Variants in GALNT17 observed in about 807,000 individuals in gnomAD.
GALNT17 encodes polypeptide N-acetylgalactosaminyltransferase 17.
Under a neutral mutation model 63.7 loss-of-function variants are expected in GALNT17, and 29 were observed. The ratio of observed to expected loss-of-function variants is 0.46; its 90% CI spans 0.34 to 0.62. The LOEUF (loss-of-function observed/expected upper bound fraction) is 0.62. GALNT17 is among the 20% of genes least tolerant of loss of function. The probability of loss-of-function intolerance (pLI) is 0.01; values close to 1 mark genes in which losing one functional copy is unlikely to be tolerated. For synonymous variants in GALNT17, 305 were observed against 318.3 expected, an observed-to-expected ratio of 0.96 and a Z score of 0.45; for missense variants, 603 against 799.6, an observed-to-expected ratio of 0.75 and a Z score of 2.97.
At chr7:71,639,006 T>C (rs1199714429) in intron 6 of GALNT17, among the ~76,000 whole-genome samples, 1 of 152,096 alleles carries the variant, frequency 6.6e-6, no homozygotes, top group Non-Finnish European at 1.5e-5. Flanking sequence ...AAAGAATGAA[T>C]AAGACCTACT....
chr7:71,638,414 C>G (rs750452101), intron 6 of GALNT17, among the ~76,000 whole-genome samples: 2 of 152,138 alleles, frequency 1.3e-5, no homozygotes, highest in Non-Finnish European at 2.9e-5. Flanking sequence ...TGGAGTTGCT[C>G]TGGTTCAAAT....
intron 1 of GALNT17, among the ~76,000 whole-genome samples, chr7:71,313,493 T>C (rs551908387): frequency 9.2e-5 from 14 of 152,328 alleles, no homozygotes; most frequent in Middle Eastern, 3.4e-3. Context: ...CAACTGTCCG[T>C]AGCAACAAAG....
chr7:71,378,099 T>A (rs1254256910), intron 2 of GALNT17, among the ~76,000 whole-genome samples: 1 of 152,184 alleles, frequency 6.6e-6, no homozygotes, highest in Non-Finnish European at 1.5e-5. Flanking sequence ...TGTGTGAACA[T>A]TGCCCCAATA....
chr7:71,626,585 A>C (rs1416367566), intron 6 of GALNT17, among the ~76,000 whole-genome samples: 2 of 152,164 alleles, frequency 1.3e-5, no homozygotes, highest in Admixed American at 6.5e-5. Context: ...AATGACCACT[A>C]TTTGGAGATG....
chr7:71,613,909 G>T (rs149666017), intron 6 of GALNT17, among the ~76,000 whole-genome samples: 36 of 151,412 alleles, frequency 2.4e-4, no homozygotes, highest in Admixed American at 2.0e-3. Flanking sequence ...ATATGATCGA[G>T]TCACTACATT....
chr7:71,387,732 G>T (rs191335680), intron 2 of GALNT17, among the ~76,000 whole-genome samples: 1 of 152,092 alleles, frequency 6.6e-6, no homozygotes, highest in Non-Finnish European at 1.5e-5. Flanking sequence ...GAAGTTGTGC[G>T]GTGTGCCCTG....
chr7:71,615,001 G>T (rs1432801014), intron 6 of GALNT17, among the ~76,000 whole-genome samples: 1 of 152,122 alleles, frequency 6.6e-6, no homozygotes, highest in African/African-American at 2.4e-5. Flanking sequence ...CACATTTCTA[G>T]TGCTCCTCAA....
At chr7:71,529,939 C>T (rs1486864034) in intron 5 of GALNT17, among the ~76,000 whole-genome samples, 3 of 152,070 alleles carry the variant, frequency 2.0e-5, no homozygotes, top group Middle Eastern at 3.2e-3. Flanking sequence ...GTCTAAATAC[C>T]TAGAAAATGT....
At chr7:71,637,489 A>ACTT (rs550625346) in intron 6 of GALNT17, among the ~76,000 whole-genome samples, 9 of 143,836 alleles carry the variant, frequency 6.3e-5, no homozygotes, top group African/African-American at 2.3e-4. Context: ...GCACCTGGCC[A>ACTT]TTTTTTTTTT....
intron 5 of GALNT17, among the ~76,000 whole-genome samples, chr7:71,539,625 A>T (rs1402047881): frequency 6.6e-6 from 1 of 151,178 alleles, no homozygotes; most frequent in Non-Finnish European, 1.5e-5. Flanking sequence ...ATGTCATTTA[A>T]ATTATTCTGT....
At chr7:71,409,980 C>G (rs1287115842) in intron 3 of GALNT17, among the ~76,000 whole-genome samples, 1 of 152,096 alleles carries the variant, frequency 6.6e-6, no homozygotes, top group East Asian at 1.9e-4. Flanking sequence ...CTTGTGGGGT[C>G]CTTCAGACCA....
At chr7:71,266,369 G>A (rs1790492470) in intron 1 of GALNT17, among the ~76,000 whole-genome samples, 1 of 152,158 alleles carries the variant, frequency 6.6e-6, no homozygotes, top group African/African-American at 2.4e-5. Context: ...CTGTTCTCAT[G>A]ATAGAATCCT....
Position 71,697,739 on chromosome 7 carries a change from A to ACTT in GALNT17, c.1501-13021_1501-13019dup, listed in dbSNP as rs1160483879. 4.6e-5 allele frequency among the ~76,000 whole-genome samples: 7 copies of ACTT among 152,318 alleles called. No individual in the cohort carries two copies. In the East Asian group the frequency reaches 7.7e-4, roughly 17 times the overall value. On this transcript the variant is annotated intron_variant, in intron 9 of 10. Transcript: ENST00000333538. ...CTTTCAGTAGTAGAGTACATTAGAT[A>ACTT]CTTTGAAGGGTCTCCCTGCTCTCAT...
rs530390595 is a variant in GALNT17, at chr7:71,362,254, G to A, written c.423-25981G>A. On this transcript the variant is annotated intron_variant, in intron 2 of 10. Transcript: ENST00000333538. ...ATTATAGGCGTGAGCCACCGCGCCC[G>A]GCTTTGTATGAGATTTTGTCTTTGT... is the stretch of plus-strand genomic sequence containing the variant. Among the ~76,000 whole-genome samples, 49 of 152,248 alleles carry A rather than the reference G, an allele frequency of 3.2e-4. No homozygotes were observed. The South Asian group carries it at 9.1e-3, about 28-fold the overall frequency.
intron 5 of GALNT17, among the ~76,000 whole-genome samples, chr7:71,476,788 C>G (rs1339788227): frequency 6.6e-6 from 1 of 152,190 alleles, no homozygotes; most frequent in Non-Finnish European, 1.5e-5. Context: ...CCCCAGGTGT[C>G]ACTAATGCTG....
At position 71,410,892 on chromosome 7, in the gene GALNT17, C is replaced by T. The variant is rs370380112; in HGVS notation, c.590-4997C>T. ...TGCTGTTTATCAAAATCTTAAAAAA[C>T]ACAATGGTTCCCAAATGGCACTTGG... On this transcript the variant is annotated intron_variant, in intron 3 of 10. Transcript: ENST00000333538. Among the ~76,000 whole-genome samples the T allele has an allele frequency of 3.3e-4, 50 of 152,310 alleles. No individual in the cohort carries two copies. The South Asian group carries it at 0.01, about 31-fold the overall frequency.
chr7:71,254,705 G>T (rs1025096297), intron 1 of GALNT17, among the ~76,000 whole-genome samples: 6 of 152,074 alleles, frequency 3.9e-5, no homozygotes, highest in Admixed American at 6.6e-5. Flanking sequence ...CAATCAGTTG[G>T]GGGGCTTAGA....
intron 6 of GALNT17, among the ~76,000 whole-genome samples, chr7:71,606,651 A>G (rs1790052690): frequency 6.6e-6 from 1 of 152,116 alleles, no homozygotes; most frequent in Non-Finnish European, 1.5e-5. Context: ...CCTAGTATAT[A>G]AACAGGCCTG....
At chr7:71,637,771 T>C (rs1790548625) in intron 6 of GALNT17, among the ~76,000 whole-genome samples, 1 of 152,132 alleles carries the variant, frequency 6.6e-6, no homozygotes, top group African/African-American at 2.4e-5. Context: ...TGTCAGACCA[T>C]CTGCTCCATC....
Sources: allele counts gnomAD v4.1 joint callset (sites outside exome capture counted in the v4.1 genomes callset), GRCh38; gene constraint gnomAD v4.1.1; transcripts MANE v1.5; gene names NCBI Gene and HGNC (gene_info 2026-07-23, HGNC 2026-07-21).